The following ADCK1 variants were observed in gnomAD, a reference collection of about 807,000 sequenced individuals.
ADCK1 encodes the protein aarF domain containing kinase 1, also known as aarF domain-containing protein kinase 1.
In ADCK1, 41 loss-of-function variants were observed where a neutral mutation model predicts 52.3. The observed-to-expected ratio is 0.78, with a 90% CI of 0.61 to 1.02. The LOEUF (loss-of-function observed/expected upper bound fraction) is 1.02. ADCK1 is among the 50% of genes least tolerant of loss of function. ADCK1 has a pLI of 0.00. For missense variants in ADCK1, 658 were observed against 679.5 expected (o/e 0.97, Z 0.35); for synonymous variants, 250 against 274.6 (o/e 0.91, Z 0.89).
Position 77,880,393 on chromosome 14 carries a change from C to T in ADCK1, c.424-6698C>T, listed in dbSNP as rs548408666. Among the ~76,000 whole-genome samples, 3 of 152,350 alleles carry T rather than the reference C, an allele frequency of 2.0e-5. No individual in the cohort carries two copies. In the South Asian group the frequency reaches 6.2e-4, roughly 32 times the overall value. ...GCCCTTCATTTTCTTTTCAGCTTGG[C>T]AACAGCAATAGCTAATGGCTCTGCA... On this transcript the variant is annotated intron_variant, in intron 4 of 10. Transcript: ENST00000238561.
rs1438844944 is a variant in ADCK1, at chr14:77,887,151, G to C, written c.484G>C (p.Val162Leu). The C allele has an allele frequency of 6.2e-7, 1 of 1,609,430 alleles. No individual in the cohort carries two copies. The highest frequency in any genetic ancestry group is 8.5e-7 in the Non-Finnish European group (1 of 1,177,780). ...TCTGGGGACGGCCTCCCTGGCCCAGGTCCACAAGGCAGTGCTGCATGATGG... is the reference window on the plus strand; with the variant it reads ...TCTGGGGACGGCCTCCCTGGCCCAGCTCCACAAGGCAGTGCTGCATGATGG... ...TPLGTASLAQVHKAVLHDGRT... is the reference protein window; with the variant it reads ...TPLGTASLAQLHKAVLHDGRT... The change falls in exon 5 of 11, where the codon GTC (valine) becomes CTC (leucine). Residue 162 changes from valine to leucine, a missense_variant. Val to Leu is a conservative substitution (Grantham distance 32, BLOSUM62 1). Transcript: ENST00000238561.
chr14:77,824,811 A>G (rs116439200), intron 3 of ADCK1, among the ~76,000 whole-genome samples: 1,839 of 152,196 alleles, frequency 0.012, 35 homozygotes, highest in African/African-American at 0.043. Context: ...TAAGGTTGAC[A>G]TTTTCTACAT....
chr14:77,849,968 G>A (rs1190063831), intron 3 of ADCK1, among the ~76,000 whole-genome samples: 1 of 152,078 alleles, frequency 6.6e-6, no homozygotes. Context: ...GATCATTTGA[G>A]GCCAGGAGAT....
At chr14:77,907,544 A>G (rs1214611915) in intron 6 of ADCK1, among the ~76,000 whole-genome samples, 1 of 152,224 alleles carries the variant, frequency 6.6e-6, no homozygotes. Context: ...TCTTAACAGC[A>G]TTAGAAGGCA....
intron 3 of ADCK1, among the ~76,000 whole-genome samples, chr14:77,843,878 C>A (rs2082123735): frequency 6.6e-6 from 1 of 152,120 alleles, no homozygotes; most frequent in African/African-American, 2.4e-5. Flanking sequence ...CTTTCTTAGC[C>A]ACTAGCAACT....
intron 4 of ADCK1, among the ~76,000 whole-genome samples, chr14:77,868,342 A>T (rs1170616970): frequency 6.6e-6 from 1 of 152,170 alleles, no homozygotes; most frequent in Non-Finnish European, 1.5e-5. Flanking sequence ...TTCAGATGGA[A>T]GCTCAGTGCC....
intron 7 of ADCK1, among the ~76,000 whole-genome samples, chr14:77,921,767 T>G (rs1392405776): frequency 1.4e-5 from 2 of 145,036 alleles, no homozygotes; most frequent in Admixed American, 1.4e-4. Context: ...GCCCCCACCC[T>G]TCCCAACCCC....
intron 6 of ADCK1, chr14:77,900,679 G>A: frequency 2.3e-6 from 1 of 441,478 alleles, no homozygotes. Context: ...GTCGAGGTGT[G>A]TTTGTTTTGT....
At chr14:77,879,334 G>A (rs1253519492) in intron 4 of ADCK1, among the ~76,000 whole-genome samples, 2 of 152,238 alleles carry the variant, frequency 1.3e-5, no homozygotes, top group Non-Finnish European at 2.9e-5. Flanking sequence ...AGGTAAATGT[G>A]CAGCTGTGGC....
At chr14:77,821,204 T>G (rs1033119253) in intron 2 of ADCK1, 1 of 151,980 alleles carries the variant, frequency 6.6e-6, no homozygotes, top group African/African-American at 2.4e-5. Flanking sequence ...GAGGCAGATA[T>G]GGATCAGGAA....
At chr14:77,905,027 C>T (rs907622346) in intron 6 of ADCK1, among the ~76,000 whole-genome samples, 20 of 152,168 alleles carry the variant, frequency 1.3e-4, no homozygotes, top group Non-Finnish European at 2.9e-4. Flanking sequence ...AGCAGTTTGG[C>T]ATTTTGCAGT....
At chr14:77,915,477 A>C (rs1375193496) in intron 7 of ADCK1, among the ~76,000 whole-genome samples, 1 of 152,096 alleles carries the variant, frequency 6.6e-6, no homozygotes, top group African/African-American at 2.4e-5. Context: ...TTATTGTGGC[A>C]CTATTCACAA....
At chr14:77,817,087 C>A (rs1003153587) in intron 1 of ADCK1, among the ~76,000 whole-genome samples, 6 of 150,946 alleles carry the variant, frequency 4.0e-5, no homozygotes, top group Non-Finnish European at 5.9e-5. Flanking sequence ...ACTAAAAATA[C>A]AAAAATTAGC....
At chr14:77,922,579 T>G (rs1283366735) in intron 7 of ADCK1, among the ~76,000 whole-genome samples, 1 of 152,182 alleles carries the variant, frequency 6.6e-6, no homozygotes, top group East Asian at 1.9e-4. Flanking sequence ...TCCATTTTAC[T>G]GAAGCTGATG....
Position 77,925,451 on chromosome 14 carries a change from C to T in ADCK1, c.1009-313C>T, listed in dbSNP as rs143380040. On this transcript the variant is annotated intron_variant, in intron 8 of 10. Transcript: ENST00000238561. Reference sequence around the variant, plus strand: ...TGGAAGTGGAGCTTCTGCCACATTCCGTCAGTTGGGCTCATGCTGAGGACC... The same window carrying T: ...TGGAAGTGGAGCTTCTGCCACATTCTGTCAGTTGGGCTCATGCTGAGGACC... Among the ~76,000 whole-genome samples, 5 of 152,302 alleles carry T rather than the reference C, an allele frequency of 3.3e-5. No homozygotes were observed. In the East Asian group the frequency reaches 7.7e-4, roughly 24 times the overall value.
At chr14:77,847,338 A>G (rs1431123328) in intron 3 of ADCK1, among the ~76,000 whole-genome samples, 1 of 152,160 alleles carries the variant, frequency 6.6e-6, no homozygotes. Context: ...TGGGAGGCTG[A>G]GGTGGGTGGA....
At chr14:77,866,225 C>T (rs115932309) in intron 4 of ADCK1, among the ~76,000 whole-genome samples, 1,739 of 152,116 alleles carry the variant, frequency 0.011, 32 homozygotes, top group African/African-American at 0.04. Context: ...CACAATGGTG[C>T]GTATTTATCT....
chr14:77,853,371 C>T (rs761449535), intron 3 of ADCK1, among the ~76,000 whole-genome samples: 5 of 149,794 alleles, frequency 3.3e-5, no homozygotes, highest in Non-Finnish European at 5.9e-5. Context: ...CTGCCTGTCT[C>T]AGCCTCCCAA....
chr14:77,849,578 G>C (rs1006963527), intron 3 of ADCK1, among the ~76,000 whole-genome samples: 4 of 151,942 alleles, frequency 2.6e-5, no homozygotes, highest in Non-Finnish European at 4.4e-5. Context: ...CAAGTAGCTG[G>C]GACTACAGGC....
Sources: allele counts gnomAD v4.1 joint callset (sites outside exome capture counted in the v4.1 genomes callset), GRCh38; gene constraint gnomAD v4.1.1; transcripts MANE v1.5; gene names NCBI Gene and HGNC (gene_info 2026-07-23, HGNC 2026-07-21).